PCDHA10: variants seen among roughly 807,000 people sequenced by gnomAD.
The protein encoded by PCDHA10 is protocadherin alpha 10.
A neutral mutation model predicts 61.2 loss-of-function variants in PCDHA10; 45 were observed. That is an observed-to-expected ratio of 0.74 (90% CI 0.58 to 0.94). The LOEUF (loss-of-function observed/expected upper bound fraction) is 0.94, where lower values mean the gene tolerates loss of function less well. PCDHA10 is among the 40% of genes least tolerant of loss of function. The pLI is 0.00. For synonymous variants in PCDHA10, 602 were observed against 548.8 expected, an observed-to-expected ratio of 1.10 and a Z score of -1.35; for missense variants, 1,278 against 1,236.2, an observed-to-expected ratio of 1.03 and a Z score of -0.51.
chr5:140,856,890 G>GTATT lies in PCDHA10; in HGVS notation c.842_843insTATT (p.Ser282IlefsTer25). ...AACAAGGAAATGATGTATTCATTTA[G>GTATT]CTCTTTGGTCCCACCCACGATAAGA... On this transcript the variant is annotated frameshift_variant, in exon 1 of 4. Coordinates refer to ENST00000307360, the MANE Select transcript of PCDHA10 (RefSeq NM_018901.4). LOFTEE classifies it high-confidence loss of function. The GTATT allele has an allele frequency of 6.3e-7, 1 of 1,596,172 alleles. No homozygotes were observed. Among genetic ancestry groups the GTATT allele is most frequent in the Non-Finnish European group, 8.6e-7 (1 of 1,165,972 alleles).
At chr5:140,882,374 C>A in intron 1 of PCDHA10, 1 of 1,614,186 alleles carries the variant, frequency 6.2e-7, no homozygotes, top group East Asian at 2.2e-5. Flanking sequence ...CTACTCCGTC[C>A]CCGAGGAAGC....
intron 3 of PCDHA10, among the ~76,000 whole-genome samples, chr5:140,999,861 A>G (rs1181249308): frequency 6.6e-6 from 1 of 152,184 alleles, no homozygotes; most frequent in Non-Finnish European, 1.5e-5. Flanking sequence ...TTCCGCTCCA[A>G]GATTACTGAA....
chr5:140,937,911 CAA>C (rs200797202), intron 1 of PCDHA10, among the ~76,000 whole-genome samples: 76 of 117,920 alleles, frequency 6.4e-4, no homozygotes, highest in Admixed American at 7.8e-4. Context: ...GACTCCGTCT[CAA>C]AAAAAAAAAA....
At position 141,010,080 on chromosome 5, in the gene PCDHA10, G is replaced by C. The variant is rs2098415967; in HGVS notation, c.*143G>C. On this transcript the variant is annotated 3_prime_UTR_variant, in exon 4 of 4. Transcript: ENST00000307360. The stretch of plus-strand genomic sequence containing the variant: ...AATCTGCAGAAAGTTCCCTGTGTCT[G>C]TCTAGAACGCATTTAACAGGTTTTG... 1 of 1,611,462 alleles carries C rather than the reference G, an allele frequency of 6.2e-7. No homozygotes were observed. The highest frequency in any genetic ancestry group is 1.1e-5 in the South Asian group (1 of 90,590).
At chr5:140,994,157 G>A (rs958405989) in intron 3 of PCDHA10, among the ~76,000 whole-genome samples, 1 of 152,198 alleles carries the variant, frequency 6.6e-6, no homozygotes, top group Non-Finnish European at 1.5e-5. Context: ...TAGGGTCAAC[G>A]AAGGGGAAGG....
At chr5:140,966,914 G>C in intron 1 of PCDHA10, 2 of 1,602,270 alleles carry the variant, frequency 1.2e-6, no homozygotes, top group Non-Finnish European at 1.7e-6. Flanking sequence ...CTCTGTGCCA[G>C]AGGAGCAGGC....
At chr5:140,941,750 T>C (rs528792646) in intron 1 of PCDHA10, among the ~76,000 whole-genome samples, 2 of 152,384 alleles carry the variant, frequency 1.3e-5, no homozygotes, top group Admixed American at 6.5e-5. Flanking sequence ...TATCAGATTT[T>C]CAGTGCTTTT....
chr5:140,903,713 A>G (rs1391210068), intron 1 of PCDHA10, among the ~76,000 whole-genome samples: 1 of 152,206 alleles, frequency 6.6e-6, no homozygotes, highest in Non-Finnish European at 1.5e-5. Flanking sequence ...TAAAATATAC[A>G]ATTCTCCCTA....
At chr5:140,870,737 G>A in intron 1 of PCDHA10, 1 of 1,613,478 alleles carries the variant, frequency 6.2e-7, no homozygotes, top group Non-Finnish European at 8.5e-7. Flanking sequence ...CCGCCTCTGA[G>A]CAGCAACGTG....
At position 140,858,308 on chromosome 5, in the gene PCDHA10, C is replaced by T; in HGVS notation, c.2260C>T (p.Gln754Ter). ...GSWSYSQQRR[Q>*]RVCSGEGLPK... ...CTGGTCTTACTCGCAGCAGAGGCGG[C>T]AGAGGGTGTGTTCTGGGGAGGGCCT... The change falls in exon 1 of 4, where the codon CAG (glutamine) becomes TAG (stop). Residue 754 changes from glutamine (Q) to a stop codon, truncating the protein, a stop_gained. Transcript: ENST00000307360. LOFTEE classifies it high-confidence loss of function. 6.3e-7 allele frequency: 1 copy of T among 1,597,268 alleles called. No individual in the cohort carries two copies. Among genetic ancestry groups the T allele is most frequent in the Non-Finnish European group, 8.6e-7 (1 of 1,167,058 alleles).
chr5:140,942,995 G>A (rs933167090), intron 1 of PCDHA10, among the ~76,000 whole-genome samples: 7 of 152,042 alleles, frequency 4.6e-5, no homozygotes, highest in African/African-American at 1.2e-4. Context: ...GGTGGCTCAT[G>A]CCTGTAATCC....
intron 1 of PCDHA10, among the ~76,000 whole-genome samples, chr5:140,941,214 C>CCTTTCTTTCTTCCTTTCTTTCTTT (rs2092876516): frequency 2.3e-4 from 28 of 122,490 alleles, no homozygotes; most frequent in Middle Eastern, 4.2e-3. Context: ...TTTCTTTCTT[C>CCTTTCTTTCTTCCTTTCTTTCTTT]CTTTCTTTCT....
At chr5:140,860,726 G>T (rs73263824) in intron 1 of PCDHA10, 23,037 of 152,060 alleles carry the variant, frequency 0.15, 1,806 homozygotes, top group Middle Eastern at 0.2. Context: ...AGTTTTTTTG[G>T]TTTTTTTGTT....
At chr5:140,984,968 C>T (rs1380988893) in intron 3 of PCDHA10, among the ~76,000 whole-genome samples, 1 of 151,950 alleles carries the variant, frequency 6.6e-6, no homozygotes, top group South Asian at 2.1e-4. Flanking sequence ...GACAGAGTCT[C>T]GCTCTGTCCC....
At chr5:140,967,435 C>T (rs949116832) in intron 1 of PCDHA10, 1 of 1,613,532 alleles carries the variant, frequency 6.2e-7, no homozygotes, top group Non-Finnish European at 8.5e-7. Flanking sequence ...CAGCCTTGCA[C>T]CACCTGGTTC....
chr5:140,877,178 C>T (rs370071106), intron 1 of PCDHA10: 2 of 1,613,794 alleles, frequency 1.2e-6, no homozygotes, highest in South Asian at 2.2e-5. Context: ...CTGGCGACTC[C>T]GGCTGGCAGC....
intron 1 of PCDHA10, among the ~76,000 whole-genome samples, chr5:140,884,922 T>C (rs1253595342): frequency 6.6e-6 from 1 of 152,246 alleles, no homozygotes; most frequent in African/African-American, 2.4e-5. Context: ...TAGTTCTAAG[T>C]ATTTATCTTG....
At chr5:141,003,087 G>T (rs894210434) in intron 3 of PCDHA10, among the ~76,000 whole-genome samples, 2 of 152,198 alleles carry the variant, frequency 1.3e-5, no homozygotes, top group African/African-American at 4.8e-5. Context: ...AGTTTAACAG[G>T]CCTGGCATTT....
chr5:140,875,752 A>G lies in PCDHA10; in HGVS notation c.2388+17316A>G, dbSNP rs782489258. On this transcript the variant is annotated intron_variant, in intron 1 of 3. Transcript: ENST00000307360. ...TGTGAATTCTCGGATCGACCGCGAGAAGCTGTGCGGGCGGAGCGCGGAGTG... is the reference window on the plus strand; with the variant it reads ...TGTGAATTCTCGGATCGACCGCGAGGAGCTGTGCGGGCGGAGCGCGGAGTG... 53 of 1,614,084 alleles carry G rather than the reference A, an allele frequency of 3.3e-5. No homozygotes were observed. The highest frequency in any genetic ancestry group is 3.2e-4 in the African/African-American group (24 of 74,918).
Sources: gnomAD v4.1 joint callset for allele counts (sites outside exome capture counted in the v4.1 genomes callset) on GRCh38, gnomAD v4.1.1 for gene constraint, MANE v1.5 for transcripts, NCBI Gene and HGNC (gene_info 2026-07-23, HGNC 2026-07-21) for gene names.